Variants in GNA12 observed in about 807,000 individuals in gnomAD.
GNA12 encodes guanine nucleotide-binding protein subunit alpha-12.
GNA12 carries 9 observed loss-of-function variants against 26.0 expected under a neutral mutation model. The ratio of observed to expected loss-of-function variants is 0.35; its 90% CI spans 0.21 to 0.60. GNA12 has a LOEUF of 0.60. GNA12 is among the 20% of genes least tolerant of loss of function. GNA12 has a pLI of 0.78. For missense variants in GNA12, 405 were observed against 525.8 expected, an observed-to-expected ratio of 0.77 and a Z score of 2.25; for synonymous variants, 264 against 219.6, an observed-to-expected ratio of 1.20 and a Z score of -1.79.
At chr7:2,824,258 ACTC>A (rs1244988833) in intron 1 of GNA12, among the ~76,000 whole-genome samples, 6 of 151,674 alleles carry the variant, frequency 4.0e-5, no homozygotes, top group Non-Finnish European at 7.4e-5. Flanking sequence ...AGATCCTGCC[ACTC>A]CTCTGCAGAA....
chr7:2,840,963 A>G (rs969420012), intron 1 of GNA12, among the ~76,000 whole-genome samples: 1 of 152,266 alleles, frequency 6.6e-6, no homozygotes, highest in Non-Finnish European at 1.5e-5. Flanking sequence ...TTTTAAATTG[A>G]AAGATGAATT....
At chr7:2,836,899 G>A (rs751070812) in intron 1 of GNA12, among the ~76,000 whole-genome samples, 5 of 152,100 alleles carry the variant, frequency 3.3e-5, no homozygotes, top group Non-Finnish European at 7.4e-5. Flanking sequence ...ACTCCAGCCC[G>A]GGCAACAAGA....
chr7:2,810,115 A>G (rs1793043672), intron 1 of GNA12, among the ~76,000 whole-genome samples: 1 of 152,216 alleles, frequency 6.6e-6, no homozygotes, highest in Non-Finnish European at 1.5e-5. Context: ...TGCATGTGTT[A>G]GTCTGGGCTG....
intron 1 of GNA12, among the ~76,000 whole-genome samples, chr7:2,796,700 G>C (rs1792686469): frequency 6.6e-6 from 1 of 152,078 alleles, no homozygotes; most frequent in Non-Finnish European, 1.5e-5. Context: ...TCATTCTTTT[G>C]CTTGTTTCCT....
At chr7:2,737,275 TTTTTTTTTTTTTTG>T (rs1258531233) in intron 2 of GNA12, among the ~76,000 whole-genome samples, 824 of 39,612 alleles carry the variant, frequency 0.021, 27 homozygotes, top group African/African-American at 0.047. Flanking sequence ...TTTTGTTTTG[TTTTTTTTTTTTTTG>T]TTTTTTTTTT....
At chr7:2,830,535 G>T (rs1027616801) in intron 1 of GNA12, among the ~76,000 whole-genome samples, 5 of 152,206 alleles carry the variant, frequency 3.3e-5, no homozygotes, top group African/African-American at 9.6e-5. Context: ...GGAATCTACA[G>T]GGCCTGAGCC....
intron 1 of GNA12, among the ~76,000 whole-genome samples, chr7:2,816,783 C>A (rs1458194780): frequency 2.0e-5 from 3 of 152,190 alleles, no homozygotes; most frequent in African/African-American, 7.2e-5. Context: ...TTAACTCATT[C>A]AATTCTTAAG....
At chr7:2,814,886 A>G (rs1019179533) in intron 1 of GNA12, 1 of 1,602,594 alleles carries the variant, frequency 6.2e-7, no homozygotes, top group African/African-American at 1.3e-5. Flanking sequence ...CACGACTGCC[A>G]GGCATCCTTG....
At chr7:2,744,059 G>GGCCT (rs1339537688) in intron 2 of GNA12, among the ~76,000 whole-genome samples, 2 of 152,346 alleles carry the variant, frequency 1.3e-5, no homozygotes, top group Non-Finnish European at 2.9e-5. Context: ...AGCTCAAGGA[G>GGCCT]GCCTGCCTGC....
At chr7:2,823,661 T>C in intron 1 of GNA12, among the ~76,000 whole-genome samples, 1 of 151,616 alleles carries the variant, frequency 6.6e-6, no homozygotes, top group South Asian at 2.1e-4. Flanking sequence ...CAATACTCAA[T>C]GTCAAAGGAT....
chr7:2,740,669 G>C (rs1406730321), intron 2 of GNA12, among the ~76,000 whole-genome samples: 1 of 152,318 alleles, frequency 6.6e-6, no homozygotes, highest in Admixed American at 6.5e-5. Flanking sequence ...TGGGCAATGG[G>C]TTTATGAGTA....
intron 1 of GNA12, among the ~76,000 whole-genome samples, chr7:2,809,754 C>T (rs943571189): frequency 2.0e-5 from 3 of 151,768 alleles, no homozygotes; most frequent in Non-Finnish European, 2.9e-5. Context: ...TGACTGATAG[C>T]GTTTAATAGA....
chr7:2,790,755 G>C (rs529791872), intron 2 of GNA12, among the ~76,000 whole-genome samples: 1 of 152,324 alleles, frequency 6.6e-6, no homozygotes, highest in Non-Finnish European at 1.5e-5. Context: ...GATTGCTAGA[G>C]CCCAGGAGTT....
At chr7:2,765,091 C>T (rs559853326) in intron 2 of GNA12, 23 of 152,196 alleles carry the variant, frequency 1.5e-4, no homozygotes, top group African/African-American at 5.3e-4. Context: ...AAATTTTAAT[C>T]CTTGACATTC....
chr7:2,795,278 CT>C (rs1318960436), intron 1 of GNA12, 135 bp from the exon 2 acceptor site: 18 of 683,460 alleles, frequency 2.6e-5, no homozygotes, highest in Non-Finnish European at 4.0e-5. Flanking sequence ...CTGAGTCTGT[CT>C]CTTGGTTTGT....
At chr7:2,803,527 C>G (rs2255541) in intron 1 of GNA12, among the ~76,000 whole-genome samples, 89,344 of 151,976 alleles carry the variant, frequency 0.59, 26,507 homozygotes, top group Non-Finnish European at 0.63. Flanking sequence ...CTGCAGAGCA[C>G]GGAGAGCAGT....
intron 1 of GNA12, among the ~76,000 whole-genome samples, chr7:2,829,703 T>C (rs116664381): frequency 0.011 from 1,662 of 152,350 alleles, 34 homozygotes; most frequent in African/African-American, 0.038. Context: ...TTTTGTGTGC[T>C]AGTTTTCCTC....
chr7:2,817,699 A>T (rs1243288245), intron 1 of GNA12, among the ~76,000 whole-genome samples: 1 of 152,248 alleles, frequency 6.6e-6, no homozygotes, highest in African/African-American at 2.4e-5. Flanking sequence ...GAACAAATGA[A>T]TGAATGCAGC....
intron 1 of GNA12, among the ~76,000 whole-genome samples, chr7:2,839,711 C>A (rs190683222): frequency 6.6e-6 from 1 of 152,110 alleles, no homozygotes; most frequent in Non-Finnish European, 1.5e-5. Flanking sequence ...ACAAAATTAT[C>A]GAATTAAAGA....
Sources: gnomAD v4.1 joint callset for allele counts (sites outside exome capture counted in the v4.1 genomes callset) on GRCh38, gnomAD v4.1.1 for gene constraint, MANE v1.5 for transcripts, NCBI Gene and HGNC (gene_info 2026-07-23, HGNC 2026-07-21) for gene names.